The following HNRNPUL2 variants were observed in gnomAD, a reference collection of about 807,000 sequenced individuals.
The protein encoded by HNRNPUL2 is heterogeneous nuclear ribonucleoprotein U-like protein 2.
A neutral mutation model predicts 102.2 loss-of-function variants in HNRNPUL2; 27 were observed. The ratio of observed to expected loss-of-function variants is 0.26; its 90% confidence interval spans 0.19 to 0.36. The LOEUF is 0.36. Ranked by LOEUF, HNRNPUL2 falls within the 10% of genes least tolerant of loss-of-function variation. The pLI, the probability that HNRNPUL2 is intolerant of heterozygous loss-of-function variation, is 1.00. For synonymous variants in HNRNPUL2, 458 were observed against 387.2 expected (o/e 1.18, Z -2.15); for missense variants, 936 against 981.1 (o/e 0.95, Z 0.61).
chr11:62,727,242 G>C lies in HNRNPUL2; in HGVS notation c.-86C>G. 7.7e-7 allele frequency: 1 copy of C among 1,297,672 alleles called. No individual in the cohort carries two copies. The highest frequency in any genetic ancestry group is 9.7e-7 in the Non-Finnish European group (1 of 1,025,766). The allele number at this position is 1,297,672 out of a possible 1,614,324, so 80.4% of individuals were successfully genotyped here. ...CGACCGCGCAGGCGCCGCCGCCGCC[G>C]CCCGCCTCCGCCTCACGCGCCAGCA... On this transcript the variant is annotated 5_prime_UTR_variant, in exon 1 of 14. Transcript: ENST00000301785.
In HNRNPUL2 at chr11:62,715,848, G is replaced by A. The variant is rs766824486; in HGVS notation, c.2055+16C>T. The stretch of plus-strand genomic sequence containing the variant: ...TCACAGCCCAGAGTGAGGAGCAGAA[G>A]GAGAGCTGCACTCACCCCTCTGTTT... On this transcript the variant is annotated intron_variant, in intron 12 of 13. Transcript: ENST00000301785. 3.0e-5 allele frequency: 48 copies of A among 1,610,374 alleles called. No individual in the cohort carries two copies. Among genetic ancestry groups the A allele is most frequent in the Admixed American group, 1.7e-5 (1 of 59,982 alleles).
intron 1 of HNRNPUL2, 111 bp downstream of exon 1, chr11:62,726,508 G>T: frequency 2.7e-6 from 3 of 1,108,208 alleles, no homozygotes; most frequent in Non-Finnish European, 3.7e-6. Flanking sequence ...CCATCAAATG[G>T]CACTTTGAGG....
At chr11:62,718,156 AGTT>A (rs2083674154) in intron 10 of HNRNPUL2, among the ~76,000 whole-genome samples, 1 of 152,116 alleles carries the variant, frequency 6.6e-6, no homozygotes, top group African/African-American at 2.4e-5. Flanking sequence ...AAGAGCAAGC[AGTT>A]GCTAGACTCG....
chr11:62,715,247 G>T lies in HNRNPUL2; in HGVS notation c.*52C>A, dbSNP rs1464900883. ...TTGGTTGTGTTTTGCGGGGGTGCCT[G>T]GCACCCCCAGAGATTCAGCTTCATG... On this transcript the variant is annotated 3_prime_UTR_variant, in exon 14 of 14. Coordinates refer to ENST00000301785, the MANE Select transcript of HNRNPUL2 (RefSeq NM_001079559.3). The T allele has an allele frequency of 2.7e-6, 4 of 1,487,230 alleles. No individual in the cohort carries two copies. Among genetic ancestry groups the T allele is most frequent in the Admixed American group, 1.8e-5 (1 of 55,422 alleles). 92.1% of individuals were successfully genotyped at this position (1,487,230 alleles called of 1,614,324 possible).
Position 62,722,349 on chromosome 11 carries a change from A to T in HNRNPUL2, c.1127T>A (p.Phe376Tyr). 6.2e-7 allele frequency: 1 copy of T among 1,614,014 alleles called. No homozygotes were observed. The highest frequency in any genetic ancestry group is 8.5e-7 in the Non-Finnish European group (1 of 1,179,926). The change falls in exon 7 of 14, where the codon TTC becomes TAC. Residue 376 changes from phenylalanine (F) to tyrosine (Y), a missense_variant. Physicochemically the swap from Phe to Tyr is conservative, Grantham distance 22. Coordinates refer to ENST00000301785, the MANE Select transcript of HNRNPUL2 (RefSeq NM_001079559.3). ...NFETEEVELSFSKNGEDLGVA... is the reference protein window; with the variant it reads ...NFETEEVELSYSKNGEDLGVA... ...ACCTAGGTCTTCTCCATTCTTGGAG[A>T]AGGAAAGTTCTACTTCTTCAGTCTC...
intron 10 of HNRNPUL2, 111 bp from the exon 11 acceptor site, chr11:62,717,300 G>T (rs552336862): frequency 1.6e-4 from 123 of 757,160 alleles, no homozygotes; most frequent in Middle Eastern, 1.3e-3. Context: ...ATCTATTACT[G>T]CACAAAAATG....
chr11:62,715,989 C>G (rs1262493458), intron 11 of HNRNPUL2, 52 bp from the exon 12 acceptor site: 2 of 1,427,196 alleles, frequency 1.4e-6, no homozygotes, highest in Admixed American at 4.5e-5. Context: ...GGTCCTGGCT[C>G]CACATCTGGG....
intron 1 of HNRNPUL2, among the ~76,000 whole-genome samples, chr11:62,724,987 C>T (rs1320270103): frequency 6.6e-6 from 1 of 152,162 alleles, no homozygotes; most frequent in African/African-American, 2.4e-5. Context: ...TCAGGGACTT[C>T]TACTGAAAGT....
intron 12 of HNRNPUL2, 124 bp downstream of exon 12, chr11:62,715,740 C>T: frequency 2.6e-6 from 3 of 1,150,368 alleles, no homozygotes; most frequent in Non-Finnish European, 3.9e-6. Flanking sequence ...AGTAAATCTT[C>T]CAGAACATAT....
intron 9 of HNRNPUL2, among the ~76,000 whole-genome samples, chr11:62,720,850 C>A (rs1357499136): frequency 1.8e-5 from 2 of 108,422 alleles, no homozygotes; most frequent in African/African-American, 7.5e-5. Flanking sequence ...GGCGACAGAG[C>A]GAGACTCGGT....
In HNRNPUL2 at chr11:62,722,959, C is replaced by CT. The variant is rs1267854521; in HGVS notation, c.892-57dup. ...ATTGTGACCAACTGAGTAGCAAACT[C>CT]TGAGTTCGAAGGACAAGATTTTTAT... On this transcript the variant is annotated intron_variant, in intron 4 of 13. Coordinates refer to ENST00000301785, the MANE Select transcript of HNRNPUL2 (RefSeq NM_001079559.3). 8.0e-6 allele frequency: 11 copies of CT among 1,368,164 alleles called. No individual in the cohort carries two copies. The South Asian group carries it at 9.5e-5, about 12-fold the overall frequency. The allele number at this position is 1,368,164 out of a possible 1,614,324, so 84.8% of individuals were successfully genotyped here. A position where few individuals can be genotyped will look rare whatever the true frequency, so the allele number is the denominator to read the frequency against.
At chr11:62,716,727 T>C (rs2083663056) in intron 11 of HNRNPUL2, among the ~76,000 whole-genome samples, 3 of 152,216 alleles carry the variant, frequency 2.0e-5, no homozygotes, top group Admixed American at 1.3e-4. Flanking sequence ...AGCCCAAGCA[T>C]TGCTTTTCAA....
Position 62,721,343 on chromosome 11 carries a change from C to G in HNRNPUL2, c.1563G>C (p.Lys521Asn). The change falls in exon 9 of 14, where the codon AAG (lysine) becomes AAC (asparagine). Residue 521 changes from lysine (K) to asparagine (N), a missense_variant. Transcript: ENST00000301785. Reference protein sequence around the residue: ...LVQQASQCLSKLVQIASRTKR... With the variant: ...LVQQASQCLSNLVQIASRTKR... ...TTGTCCGGGAAGCAATCTGGACCAG[C>G]TTACTAAGGCACTGGGAGGCTTGCT... 1 of 1,609,730 alleles carries G rather than the reference C, an allele frequency of 6.2e-7. No homozygotes were observed. The highest frequency in any genetic ancestry group is 2.2e-5 in the East Asian group (1 of 44,710).
At position 62,727,093 on chromosome 11, in the gene HNRNPUL2, A is replaced by C. The variant is rs2083760056; in HGVS notation, c.64T>G (p.Ser22Ala). The change falls in exon 1 of 14, where the codon TCG becomes GCG. Residue 22 changes from serine to alanine, a missense_variant. Ser to Ala is a moderately conservative substitution (Grantham distance 99). Coordinates refer to ENST00000301785, the MANE Select transcript of HNRNPUL2 (RefSeq NM_001079559.3). ...RSELQRRGLD[S>A]RGLKVDLAQR... ...GCCAGATCCACCTTGAGGCCGCGCGAGTCCAGGCCCCGCCGCTGCAGCTCC... is the reference window on the plus strand; with the variant it reads ...GCCAGATCCACCTTGAGGCCGCGCGCGTCCAGGCCCCGCCGCTGCAGCTCC... 2 of 1,444,036 alleles carry C rather than the reference A, an allele frequency of 1.4e-6. No individual in the cohort carries two copies. Among genetic ancestry groups the C allele is most frequent in the Non-Finnish European group, 9.1e-7 (1 of 1,100,676 alleles). The allele number at this position is 1,444,036 out of a possible 1,614,324, so 89.5% of individuals were successfully genotyped here. A position where few individuals can be genotyped will look rare whatever the true frequency, so the allele number is the denominator to read the frequency against.
chr11:62,721,872 G>A lies in HNRNPUL2; in HGVS notation c.1430C>T (p.Pro477Leu), dbSNP rs780961579. Reference protein sequence around the residue: ...QWALKYAKENPEKRYNVLGAE... With the variant: ...QWALKYAKENLEKRYNVLGAE... Reference sequence around the variant, plus strand: ...TCCCAGGACATTGTATCTTTTCTCAGGGTTTTCTTTTGCATATTTCAGTGC... The same window carrying A: ...TCCCAGGACATTGTATCTTTTCTCAAGGTTTTCTTTTGCATATTTCAGTGC... The change falls in exon 8 of 14, where the codon CCT becomes CTT. Residue 477 changes from proline to leucine, a missense_variant. Pro to Leu is a moderately conservative substitution (Grantham distance 98, BLOSUM62 -3). Coordinates refer to ENST00000301785, the MANE Select transcript of HNRNPUL2 (RefSeq NM_001079559.3). 2.7e-5 allele frequency: 44 copies of A among 1,614,012 alleles called. No homozygotes were observed. The highest frequency in any genetic ancestry group is 1.3e-5 in the African/African-American group (1 of 74,908).
chr11:62,719,095 G>C (rs915611188), intron 10 of HNRNPUL2, among the ~76,000 whole-genome samples: 1 of 151,982 alleles, frequency 6.6e-6, no homozygotes, highest in African/African-American at 2.4e-5. Context: ...CAAAGTGCTG[G>C]GATTACAGGC....
In HNRNPUL2 at chr11:62,726,939, C is replaced by G; in HGVS notation, c.218G>C (p.Gly73Ala). 1 of 1,479,288 alleles carries G rather than the reference C, an allele frequency of 6.8e-7. No homozygotes were observed. Among genetic ancestry groups the G allele is most frequent in the Non-Finnish European group, 8.9e-7 (1 of 1,123,476 alleles). The allele number at this position is 1,479,288 out of a possible 1,614,324, so 91.6% of individuals were successfully genotyped here. Residue 73 changes from glycine (G) to alanine (A), a missense_variant, in exon 1 of 14, where the codon GGG becomes GCG. Gly to Ala is a moderately conservative substitution (Grantham distance 60). Around this residue, in one of 2 missense-constraint regions of HNRNPUL2, gnomAD observed 327 missense variants for 268.1 expected, o/e 1.22. Coordinates refer to ENST00000301785, the MANE Select transcript of HNRNPUL2 (RefSeq NM_001079559.3). ...PVAASGGGPG[G>A]DEEEDEEEEE... ...CTCCTCTTCGTCCTCCTCCTCGTCC[C>G]CGCCCGGGCCGCCGCCCGACGCGGC... is the stretch of plus-strand genomic sequence containing the variant.
At position 62,727,199 on chromosome 11, in the gene HNRNPUL2, C is replaced by A. The variant is rs1440500460; in HGVS notation, c.-43G>T. The stretch of plus-strand genomic sequence containing the variant: ...CCGCCTCCCGCCGCCTCCTCCCCTG[C>A]GAACCGTCGACCGAGTCCGACCGCG... On this transcript the variant is annotated 5_prime_UTR_variant, in exon 1 of 14. Transcript: ENST00000301785. 3 of 1,375,202 alleles carry A rather than the reference C, an allele frequency of 2.2e-6. No homozygotes were observed. Among genetic ancestry groups the A allele is most frequent in the East Asian group, 3.2e-5 (1 of 31,130 alleles). The allele number at this position is 1,375,202 out of a possible 1,614,324, so 85.2% of individuals were successfully genotyped here.
chr11:62,722,808 T>G lies in HNRNPUL2; in HGVS notation c.982+5A>C. ...CTAATGAGGAACTTAAAGAAATAAC[T>G]TTACCAAGCTGTGGACGGGAAAAAT... On this transcript the variant is annotated splice_donor_5th_base_variant and intron_variant, in intron 5 of 13. Transcript: ENST00000301785. 6.2e-7 allele frequency: 1 copy of G among 1,613,724 alleles called. No homozygotes were observed. Among genetic ancestry groups the G allele is most frequent in the Non-Finnish European group, 8.5e-7 (1 of 1,179,686 alleles).
Sources: gnomAD v4.1 joint callset for allele counts (sites outside exome capture counted in the v4.1 genomes callset) on GRCh38, gnomAD v4.1.1 for gene constraint, gnomAD v4.1.1 regional missense constraint, MANE v1.5 for transcripts, NCBI Gene and HGNC (gene_info 2026-07-23, HGNC 2026-07-21) for gene names.